ACTN4: variants seen among roughly 807,000 people sequenced by gnomAD.
ACTN4 encodes the protein alpha-actinin-4.
ACTN4 carries 18 observed loss-of-function variants against 114.2 expected under a neutral mutation model. The ratio of observed to expected loss-of-function variants is 0.16; its 90% CI spans 0.11 to 0.23. The LOEUF (loss-of-function observed/expected upper bound fraction) is 0.23, where lower values mean the gene tolerates loss of function less well. Among genes scored for constraint, ACTN4 ranks in the 10% least tolerant of loss-of-function variants. The pLI is 1.00. For missense variants in ACTN4, 722 were observed against 1,262.9 expected (o/e 0.57, Z 6.49); for synonymous variants, 515 against 506.3 (o/e 1.02, Z -0.23).
Position 38,723,734 on chromosome 19 carries a change from G to A in ACTN4, c.1551+12G>A. 6.3e-7 allele frequency: 1 copy of A among 1,592,854 alleles called. No individual in the cohort carries two copies. The highest frequency in any genetic ancestry group is 8.6e-7 in the Non-Finnish European group (1 of 1,164,830). On this transcript the variant is annotated intron_variant, in intron 13 of 20. Coordinates refer to ENST00000252699, the MANE Select transcript of ACTN4 (RefSeq NM_004924.6). ...GGGAAGCCCTGGAGGTGAGGAGGGG[G>A]TGACATCACCCACGGAGCTCTGTGC...
intron 1 of ACTN4, among the ~76,000 whole-genome samples, chr19:38,654,041 G>T (rs1450871141): frequency 6.6e-6 from 1 of 152,176 alleles, no homozygotes; most frequent in Non-Finnish European, 1.5e-5. Context: ...CAGCCTAGGC[G>T]CCAGAATTTG....
intron 1 of ACTN4, among the ~76,000 whole-genome samples, chr19:38,697,960 A>G (rs1968147524): frequency 6.6e-6 from 1 of 152,220 alleles, no homozygotes. Context: ...CTGGGGCTGT[A>G]AAGGTGCAGG....
At chr19:38,687,330 GA>G (rs1967780453) in intron 1 of ACTN4, among the ~76,000 whole-genome samples, 1 of 152,172 alleles carries the variant, frequency 6.6e-6, no homozygotes, top group African/African-American at 2.4e-5. Context: ...GGTTGGATTA[GA>G]TTGTTCGCTC....
intron 1 of ACTN4, among the ~76,000 whole-genome samples, chr19:38,665,014 A>C (rs988446865): frequency 6.6e-6 from 1 of 152,104 alleles, no homozygotes; most frequent in South Asian, 2.1e-4. Context: ...CACCCAGCCT[A>C]CCCACCAAGA....
intron 17 of ACTN4, among the ~76,000 whole-genome samples, chr19:38,726,599 A>G (rs1969240278): frequency 6.6e-6 from 1 of 152,228 alleles, no homozygotes. Flanking sequence ...TCTTGATCCA[A>G]CCCATACAGG....
chr19:38,675,946 T>C lies in ACTN4; in HGVS notation c.163-24654T>C, dbSNP rs1967360536. Among the ~76,000 whole-genome samples, 4 of 152,212 alleles carry C rather than the reference T, an allele frequency of 2.6e-5. 1 individual carries two copies. Among genetic ancestry groups the C allele is most frequent in the South Asian group, 4.1e-4 (2 of 4,836 alleles). On this transcript the variant is annotated intron_variant, in intron 1 of 20. Coordinates refer to ENST00000252699, the MANE Select transcript of ACTN4 (RefSeq NM_004924.6). Reference sequence around the variant, plus strand: ...CTCCCAAACGTAAGCTGTGAAGCCATGGACTCAGATTCTCAGCCTGGCCCT... The same window carrying C: ...CTCCCAAACGTAAGCTGTGAAGCCACGGACTCAGATTCTCAGCCTGGCCCT...
At position 38,727,885 on chromosome 19, in the gene ACTN4, T is replaced by C; in HGVS notation, c.2338-61T>C. 1 of 1,526,720 alleles carries C rather than the reference T, an allele frequency of 6.5e-7. No individual in the cohort carries two copies. Among genetic ancestry groups the C allele is most frequent in the Non-Finnish European group, 9.0e-7 (1 of 1,106,930 alleles). 94.6% of individuals were successfully genotyped at this position (1,526,720 alleles called of 1,614,324 possible). A position where few individuals can be genotyped will look rare whatever the true frequency, so the allele number is the denominator to read the frequency against. On this transcript the variant is annotated intron_variant, in intron 18 of 20. Transcript: ENST00000252699. This position sits in a 1 kb window ranked among gnomAD's most constrained non-coding sequence, Gnocchi z 5.4. ...CCCTGCCCTCTGCATGTGACCCCGA[T>C]CCCTCATCCTGGTCTCCACGCCGCC...
chr19:38,695,207 C>G (rs560585392), intron 1 of ACTN4, among the ~76,000 whole-genome samples: 1 of 152,290 alleles, frequency 6.6e-6, no homozygotes, highest in Admixed American at 6.5e-5. Flanking sequence ...TGTTTTGCTT[C>G]CTCCTGTGTC....
intron 3 of ACTN4, among the ~76,000 whole-genome samples, chr19:38,704,418 G>A (rs1057008549): frequency 6.6e-6 from 1 of 152,226 alleles, no homozygotes; most frequent in African/African-American, 2.4e-5. Flanking sequence ...GGAGAGTGTC[G>A]GCAGTAGGAT....
At chr19:38,657,173 C>T (rs982705391) in intron 1 of ACTN4, among the ~76,000 whole-genome samples, 8 of 150,166 alleles carry the variant, frequency 5.3e-5, no homozygotes, top group African/African-American at 2.0e-4. Context: ...GATGGAGTCT[C>T]ACTCTGTCAC....
At position 38,724,095 on chromosome 19, in the gene ACTN4, C is replaced by G; in HGVS notation, c.1692+18C>G. On this transcript the variant is annotated intron_variant, in intron 14 of 20. Transcript: ENST00000252699. The surrounding 1 kb of genome is among the most constrained non-coding windows in gnomAD (Gnocchi z 7.0). ...AGATTGAGGTTCGCACCCCCCGGCC[C>G]CCCATCTTCCCAAGAGCCTCTGTGG... The G allele has an allele frequency of 6.2e-7, 1 of 1,613,646 alleles. No homozygotes were observed. The highest frequency in any genetic ancestry group is 8.5e-7 in the Non-Finnish European group (1 of 1,180,000).
chr19:38,701,552 A>G (rs1725535328), intron 3 of ACTN4, among the ~76,000 whole-genome samples: 1 of 152,184 alleles, frequency 6.6e-6, no homozygotes, highest in South Asian at 2.1e-4. Flanking sequence ...TGGAGGCCCC[A>G]TGTCAGGCAT....
chr19:38,717,880 G>A lies in ACTN4; in HGVS notation c.1144-47G>A. ...ATCCCTTGGAGACATCCCCCTGGGT[G>A]CCTCCACTTCCTTGTGATAGCCCTG... On this transcript the variant is annotated intron_variant, in intron 10 of 20. Coordinates refer to ENST00000252699, the MANE Select transcript of ACTN4 (RefSeq NM_004924.6). This position sits in a 1 kb window ranked among gnomAD's most constrained non-coding sequence, Gnocchi z 4.0. 1.3e-6 allele frequency: 2 copies of A among 1,557,638 alleles called. No homozygotes were observed. The highest frequency in any genetic ancestry group is 1.7e-6 in the Non-Finnish European group (2 of 1,150,742).
intron 7 of ACTN4, 95 bp from the exon 8 acceptor site, chr19:38,710,162 C>A: frequency 1.5e-6 from 2 of 1,343,096 alleles, no homozygotes; most frequent in Non-Finnish European, 2.1e-6. Flanking sequence ...CCCTCTCCCC[C>A]AAGGCCGTGG....
chr19:38,674,809 T>A (rs1479248637), intron 1 of ACTN4, among the ~76,000 whole-genome samples: 1 of 152,210 alleles, frequency 6.6e-6, no homozygotes, highest in Non-Finnish European at 1.5e-5. Flanking sequence ...ACAGTGCCTC[T>A]TGGAATTCAG....
chr19:38,685,317 C>T (rs73933043), intron 1 of ACTN4, among the ~76,000 whole-genome samples: 1,737 of 152,338 alleles, frequency 0.011, 28 homozygotes, highest in African/African-American at 0.04. Flanking sequence ...AGGCTAAGGG[C>T]AAGTTTAGGT....
At chr19:38,663,614 A>AG (rs1007535914) in intron 1 of ACTN4, among the ~76,000 whole-genome samples, 3 of 152,164 alleles carry the variant, frequency 2.0e-5, no homozygotes, top group Non-Finnish European at 4.4e-5. Flanking sequence ...CAGGTTGCCG[A>AG]GGGCAAGTAT....
intron 1 of ACTN4, among the ~76,000 whole-genome samples, chr19:38,699,316 A>G (rs374357966): frequency 3.9e-5 from 6 of 152,310 alleles, no homozygotes; most frequent in African/African-American, 1.4e-4. Flanking sequence ...AGGGTCAGGG[A>G]CTTCGGCTTC....
chr19:38,666,010 T>G (rs1966946762), intron 1 of ACTN4, among the ~76,000 whole-genome samples: 1 of 152,020 alleles, frequency 6.6e-6, no homozygotes. Flanking sequence ...AGAAATGCTG[T>G]CAGATGGGGC....
Sources: gnomAD v4.1 joint callset for allele counts (sites outside exome capture counted in the v4.1 genomes callset) on GRCh38, gnomAD v4.1.1 for gene constraint, Gnocchi (gnomAD v3.1) non-coding constraint, MANE v1.5 for transcripts, NCBI Gene and HGNC (gene_info 2026-07-23, HGNC 2026-07-21) for gene names.